The following EPHA5 variants were observed in gnomAD, a reference collection of about 807,000 sequenced individuals.
The protein encoded by EPHA5 is ephrin type-A receptor 5.
A neutral mutation model predicts 105.0 loss-of-function variants in EPHA5; 60 were observed. The ratio of observed to expected loss-of-function variants is 0.57; its 90% CI spans 0.46 to 0.71. The LOEUF (loss-of-function observed/expected upper bound fraction) is 0.71. Ranked by LOEUF, EPHA5 falls within the 30% of genes least tolerant of loss-of-function variation. The pLI, the probability that EPHA5 is intolerant of heterozygous loss-of-function variation, is 0.00. For synonymous variants in EPHA5, 513 were observed against 449.1 expected, an observed-to-expected ratio of 1.14 and a Z score of -1.80; for missense variants, 1,218 against 1,274.7, an observed-to-expected ratio of 0.96 and a Z score of 0.68.
Position 65,414,385 on chromosome 4 carries a change from C to T in EPHA5, c.1586G>A (p.Gly529Asp), listed in dbSNP as rs2149019815. 5.6e-6 allele frequency: 9 copies of T among 1,613,996 alleles called. No individual in the cohort carries two copies. Among genetic ancestry groups the T allele is most frequent in the Non-Finnish European group, 7.6e-6 (9 of 1,179,900 alleles). Residue 529 changes from glycine (G) to aspartate (D), a missense_variant, in exon 7 of 17, where the codon GGC becomes GAC. Physicochemically the swap from Gly to Asp is moderately conservative, Grantham distance 94. Transcript: ENST00000613740. ...GACATAAACTGAAGCTGGTTTCAAG[C>T]CCTCTGCAGTAATAGTTGTCTCTTT... ...KSKETTITAE[G>D]LKPASVYVFQ...
At chr4:65,361,426 T>A (rs898863005) in intron 11 of EPHA5, among the ~76,000 whole-genome samples, 1 of 151,572 alleles carries the variant, frequency 6.6e-6, no homozygotes, top group East Asian at 1.9e-4. Context: ...AGTCTATGCA[T>A]TTTGGTTGAT....
At chr4:65,481,120 T>G (rs1159573813) in intron 5 of EPHA5, among the ~76,000 whole-genome samples, 1 of 152,124 alleles carries the variant, frequency 6.6e-6, no homozygotes. Context: ...ATGAGAAATT[T>G]AAGAAATTCA....
intron 4 of EPHA5, among the ~76,000 whole-genome samples, chr4:65,493,377 A>G (rs1731608445): frequency 6.7e-6 from 1 of 150,098 alleles, no homozygotes; most frequent in African/African-American, 2.4e-5. Context: ...TATAGATTTA[A>G]AAACTTTGTA....
chr4:65,506,448 C>G lies in EPHA5; in HGVS notation c.911-10905G>C, dbSNP rs571745495. 2.8e-5 allele frequency among the ~76,000 whole-genome samples: 4 copies of G among 145,180 alleles called. 1 individual carries two copies. Among genetic ancestry groups the G allele is most frequent in the Admixed American group, 2.1e-4 (3 of 14,550 alleles). ...ACACTGTCTTCCACAATGGTTGAAG[C>G]AGTTTACAGTCCCACCAACAGTGTA... On this transcript the variant is annotated intron_variant, in intron 3 of 16. Coordinates refer to ENST00000613740, the MANE Select transcript of EPHA5 (RefSeq NM_001281766.3).
At chr4:65,656,131 TAA>T (rs34038643) in intron 1 of EPHA5, among the ~76,000 whole-genome samples, 27,201 of 109,648 alleles carry the variant, frequency 0.25, 3,381 homozygotes, top group Middle Eastern at 0.4. Flanking sequence ...TGCTGCTGCT[TAA>T]AAAAAAAAAA....
intron 5 of EPHA5, among the ~76,000 whole-genome samples, chr4:65,436,836 G>T (rs1725524999): frequency 6.6e-6 from 1 of 151,914 alleles, no homozygotes; most frequent in Non-Finnish European, 1.5e-5. Context: ...ATTACATAAT[G>T]CCAAAAGTCT....
At chr4:65,428,899 T>C (rs548484643) in intron 5 of EPHA5, among the ~76,000 whole-genome samples, 24 of 152,150 alleles carry the variant, frequency 1.6e-4, no homozygotes, top group African/African-American at 4.6e-4. Flanking sequence ...CTGGCACTCA[T>C]AGTATTCTGT....
intron 2 of EPHA5, among the ~76,000 whole-genome samples, chr4:65,625,700 T>A (rs1028974983): frequency 6.6e-6 from 1 of 152,222 alleles, no homozygotes; most frequent in Non-Finnish European, 1.5e-5. Flanking sequence ...AACATAATAC[T>A]AATTGATTCA....
chr4:65,533,216 C>CTTAA (rs1353699275), intron 3 of EPHA5, among the ~76,000 whole-genome samples: 2 of 152,094 alleles, frequency 1.3e-5, no homozygotes, highest in Non-Finnish European at 2.9e-5. Context: ...AGGCTTGCTG[C>CTTAA]TTAAGGCTTA....
chr4:65,533,046 T>C (rs1161579373), intron 3 of EPHA5, among the ~76,000 whole-genome samples: 2 of 152,086 alleles, frequency 1.3e-5, no homozygotes, highest in Non-Finnish European at 1.5e-5. Context: ...TCAGTCAAAC[T>C]TTCCATTAAT....
chr4:65,538,699 G>A (rs992241771), intron 3 of EPHA5, among the ~76,000 whole-genome samples: 3 of 151,588 alleles, frequency 2.0e-5, no homozygotes, highest in Non-Finnish European at 4.4e-5. Context: ...GGCACATAGC[G>A]ATCCAAGCAG....
At chr4:65,629,101 G>T (rs1186118968) in intron 2 of EPHA5, among the ~76,000 whole-genome samples, 4 of 152,120 alleles carry the variant, frequency 2.6e-5, no homozygotes, top group Non-Finnish European at 4.4e-5. Context: ...AATAACATTT[G>T]GAAGTGTTAA....
At position 65,639,863 on chromosome 4, in the gene EPHA5, C is replaced by A. The variant is rs1475993129; in HGVS notation, c.246+3500G>T. On this transcript the variant is annotated intron_variant, in intron 2 of 16. Coordinates refer to ENST00000613740, the MANE Select transcript of EPHA5 (RefSeq NM_001281766.3). ...TCTGTGCTCAAATCTGCTGTTAAGG[C>A]TGTATTGCAAATTCATTTGTTTTTA... 3.3e-5 allele frequency among the ~76,000 whole-genome samples: 5 copies of A among 152,132 alleles called. No individual in the cohort carries two copies. In the East Asian group the frequency reaches 9.6e-4, roughly 29 times the overall value.
chr4:65,623,865 G>T (rs1341060192), intron 2 of EPHA5, among the ~76,000 whole-genome samples: 1 of 152,098 alleles, frequency 6.6e-6, no homozygotes, highest in Admixed American at 6.6e-5. Context: ...GCAAATAAAG[G>T]AATTAAATGC....
At chr4:65,329,839 G>T (rs1332958503) in intron 16 of EPHA5, among the ~76,000 whole-genome samples, 1 of 149,054 alleles carries the variant, frequency 6.7e-6, no homozygotes, top group Admixed American at 6.7e-5. Context: ...AGAAGAGTAG[G>T]CAAAATGAAC....
intron 3 of EPHA5, among the ~76,000 whole-genome samples, chr4:65,498,772 T>C (rs1219045134): frequency 6.6e-6 from 1 of 151,666 alleles, no homozygotes; most frequent in Admixed American, 6.6e-5. Flanking sequence ...TGTAAGGCAT[T>C]ATTTAATTTG....
intron 3 of EPHA5, among the ~76,000 whole-genome samples, chr4:65,507,310 A>T (rs1279988533): frequency 6.6e-6 from 1 of 152,170 alleles, no homozygotes; most frequent in Non-Finnish European, 1.5e-5. Context: ...TGATGCCTCC[A>T]GCTTTGTTCT....
At chr4:65,418,704 G>A (rs1723628686) in intron 6 of EPHA5, among the ~76,000 whole-genome samples, 1 of 151,780 alleles carries the variant, frequency 6.6e-6, no homozygotes, top group South Asian at 2.1e-4. Context: ...TTAAAAACCT[G>A]TAAATATGTA....
intron 1 of EPHA5, among the ~76,000 whole-genome samples, chr4:65,665,294 G>A (rs1248830511): frequency 6.6e-6 from 1 of 151,912 alleles, no homozygotes; most frequent in African/African-American, 2.4e-5. Flanking sequence ...CCAGACAAAG[G>A]AGATTCAAGT....
Sources: allele counts gnomAD v4.1 joint callset (sites outside exome capture counted in the v4.1 genomes callset), GRCh38; gene constraint gnomAD v4.1.1; transcripts MANE v1.5; gene names NCBI Gene and HGNC (gene_info 2026-07-23, HGNC 2026-07-21).